PCDHA9: variants seen among roughly 807,000 people sequenced by gnomAD.
PCDHA9 encodes the protein protocadherin alpha-9.
PCDHA9 carries 62 observed loss-of-function variants against 62.0 expected under a neutral mutation model. That is an observed-to-expected ratio of 1.00 (90% CI 0.81 to 1.23). The LOEUF (loss-of-function observed/expected upper bound fraction) is 1.23, where lower values mean the gene tolerates loss of function less well. PCDHA9 is among the 50% of genes most tolerant of loss of function. The pLI is 0.00. For missense variants in PCDHA9, 1,205 were observed against 1,249.8 expected (o/e 0.96, Z 0.54); for synonymous variants, 557 against 567.6 (o/e 0.98, Z 0.27).
At position 140,970,818 on chromosome 5, in the gene PCDHA9, G is replaced by A. The variant is rs77234853; in HGVS notation, c.2395-8131G>A. Among the ~76,000 whole-genome samples, 569 of 152,084 alleles carry A rather than the reference G, an allele frequency of 3.7e-3. 1 individual carries two copies. The highest frequency in any genetic ancestry group is 5.8e-3 in the South Asian group (28 of 4,824). On this transcript the variant is annotated intron_variant, in intron 1 of 3. Coordinates refer to ENST00000532602, the MANE Select transcript of PCDHA9 (RefSeq NM_031857.2). ...CATATTGTTACATTTCAAGTTCATGGTAATCTTGAGGAATGTAATGCACAG... is the reference window on the plus strand; with the variant it reads ...CATATTGTTACATTTCAAGTTCATGATAATCTTGAGGAATGTAATGCACAG...
chr5:140,991,003 A>C (rs1228444549), intron 3 of PCDHA9, among the ~76,000 whole-genome samples: 1 of 152,190 alleles, frequency 6.6e-6, no homozygotes, highest in East Asian at 1.9e-4. Flanking sequence ...ATTTATTGAG[A>C]ACTGTGATAA....
chr5:140,997,334 C>G (rs2097767888), intron 3 of PCDHA9, among the ~76,000 whole-genome samples: 3 of 152,098 alleles, frequency 2.0e-5, no homozygotes, highest in Admixed American at 2.0e-4. Flanking sequence ...TTTCGTTGTA[C>G]AAATATCATA....
intron 1 of PCDHA9, among the ~76,000 whole-genome samples, chr5:140,949,802 A>G (rs974562597): frequency 1.3e-5 from 2 of 151,818 alleles, no homozygotes; most frequent in Admixed American, 6.6e-5. Flanking sequence ...CCTTCAATAC[A>G]TTATTTGCTT....
intron 1 of PCDHA9, among the ~76,000 whole-genome samples, chr5:140,938,308 T>C (rs1468853140): frequency 6.6e-6 from 1 of 152,212 alleles, no homozygotes; most frequent in Admixed American, 6.5e-5. Context: ...AAATTCAGTA[T>C]AAAATTGAAT....
chr5:140,850,167 G>C lies in PCDHA9; in HGVS notation c.1672G>C (p.Glu558Gln), dbSNP rs2041389844. 1.3e-6 allele frequency: 2 copies of C among 1,594,718 alleles called. No individual in the cohort carries two copies. Among genetic ancestry groups the C allele is most frequent in the African/African-American group, 1.3e-5 (1 of 74,370 alleles). Residue 558 changes from glutamate (E) to glutamine (Q), a missense_variant, in exon 1 of 4, where the codon GAG becomes CAG. Physicochemically the swap from Glu to Gln is conservative, Grantham distance 29. Coordinates refer to ENST00000532602, the MANE Select transcript of PCDHA9 (RefSeq NM_031857.2). ...NVTLQVFVLDENDNAPALLTP... is the reference protein window; with the variant it reads ...NVTLQVFVLDQNDNAPALLTP... ...GACGCTGCAGGTGTTCGTGCTGGAC[G>C]AGAACGACAATGCGCCGGCGCTGCT...
intron 1 of PCDHA9, chr5:140,969,449 AG>A (rs1470034134): frequency 2.8e-5 from 43 of 1,510,842 alleles, no homozygotes; most frequent in Non-Finnish European, 3.2e-5. Flanking sequence ...TGGTAAACTG[AG>A]TATATATAGT....
intron 1 of PCDHA9, chr5:140,870,851 C>A: frequency 6.2e-7 from 1 of 1,613,838 alleles, no homozygotes; most frequent in Non-Finnish European, 8.5e-7. Flanking sequence ...GTACCGCGGT[C>A]GGTGGGTGCG....
In PCDHA9 at chr5:141,007,573, TA is replaced by T. The variant is rs1265481031; in HGVS notation, c.2543-2048del. Among the ~76,000 whole-genome samples, 3 of 151,796 alleles carry T rather than the reference TA, an allele frequency of 2.0e-5. No homozygotes were observed. The East Asian group carries it at 5.8e-4, about 29-fold the overall frequency. On this transcript the variant is annotated intron_variant, in intron 3 of 3. Coordinates refer to ENST00000532602, the MANE Select transcript of PCDHA9 (RefSeq NM_031857.2). ...ACAGAGCAAGGCTCTATCTCAAATTTAAAAAATAATAATCATGATAATAATA... is the reference window on the plus strand; with the variant it reads ...ACAGAGCAAGGCTCTATCTCAAATTTAAAAATAATAATCATGATAATAATA...
chr5:140,868,265 T>G (rs182913735), intron 1 of PCDHA9: 1 of 152,250 alleles, frequency 6.6e-6, no homozygotes, highest in African/African-American at 2.4e-5. Flanking sequence ...GTGGATTCTT[T>G]TTTAAAACTA....
chr5:140,997,958 G>A (rs890356748), intron 3 of PCDHA9, among the ~76,000 whole-genome samples: 3 of 152,126 alleles, frequency 2.0e-5, no homozygotes, highest in Non-Finnish European at 2.9e-5. Context: ...TGGCATTCAC[G>A]TACCTGTGGT....
intron 1 of PCDHA9, chr5:140,882,775 C>T (rs1554175564): frequency 2.5e-6 from 4 of 1,614,220 alleles, no homozygotes; most frequent in East Asian, 4.5e-5. Flanking sequence ...CGGCATTGAC[C>T]TACCGACTGG....
chr5:140,985,283 A>G (rs955144760), intron 3 of PCDHA9, among the ~76,000 whole-genome samples: 6 of 152,020 alleles, frequency 3.9e-5, no homozygotes, highest in Admixed American at 1.3e-4. Context: ...TCTGCAATCT[A>G]TGATATAGTG....
chr5:140,858,511 GTA>G (rs1554151718), intron 1 of PCDHA9: 1 of 1,433,712 alleles, frequency 7.0e-7, no homozygotes, highest in Admixed American at 2.0e-5. Flanking sequence ...TCTCAAATAT[GTA>G]TCAGAATATT....
intron 3 of PCDHA9, among the ~76,000 whole-genome samples, chr5:140,988,231 A>G (rs2097289009): frequency 6.6e-6 from 1 of 152,150 alleles, no homozygotes. Context: ...TCAGGGATCT[A>G]TGTGAGTGGG....
At chr5:140,986,461 C>A (rs1554248079) in intron 3 of PCDHA9, among the ~76,000 whole-genome samples, 1 of 152,154 alleles carries the variant, frequency 6.6e-6, no homozygotes. Flanking sequence ...TTAATGAATG[C>A]CCTCTTGTGA....
intron 1 of PCDHA9, chr5:140,869,579 A>G: frequency 6.2e-7 from 1 of 1,614,178 alleles, no homozygotes; most frequent in Non-Finnish European, 8.5e-7. Flanking sequence ...GGAGCTTCTG[A>G]TGCTGACATT....
intron 1 of PCDHA9, chr5:140,884,253 C>T (rs1356283866): frequency 6.2e-7 from 1 of 1,613,418 alleles, no homozygotes; most frequent in East Asian, 2.2e-5. Context: ...CTGACGGCCA[C>T]GGCAACGGTG....
At chr5:140,924,681 G>T (rs558083953) in intron 1 of PCDHA9, among the ~76,000 whole-genome samples, 1 of 152,180 alleles carries the variant, frequency 6.6e-6, no homozygotes, top group East Asian at 1.9e-4. Flanking sequence ...AATCACTTGA[G>T]GTCAGGAGTT....
At chr5:140,884,368 G>T (rs2060127258) in intron 1 of PCDHA9, 1 of 1,613,864 alleles carries the variant, frequency 6.2e-7, no homozygotes, top group Non-Finnish European at 8.5e-7. Context: ...ATGTTTACTT[G>T]ATCATTGCCA....
Sources: allele counts gnomAD v4.1 joint callset (sites outside exome capture counted in the v4.1 genomes callset), GRCh38; gene constraint gnomAD v4.1.1; transcripts MANE v1.5; gene names NCBI Gene and HGNC (gene_info 2026-07-23, HGNC 2026-07-21).